ADGB: variants seen among roughly 807,000 people sequenced by gnomAD.
The protein encoded by ADGB is calpain-7-like protein.
A neutral mutation model predicts 210.5 loss-of-function variants in ADGB; 172 were observed. The observed-to-expected ratio is 0.82, with a 90% CI of 0.72 to 0.93. ADGB has a LOEUF of 0.93. ADGB is among the 40% of genes least tolerant of loss of function. The pLI, the probability that ADGB is intolerant of heterozygous loss-of-function variation, is 0.00. For synonymous variants in ADGB, 658 were observed against 662.7 expected, an observed-to-expected ratio of 0.99 and a Z score of 0.11; for missense variants, 2,025 against 1,964.8, an observed-to-expected ratio of 1.03 and a Z score of -0.58.
intron 1 of ADGB, among the ~76,000 whole-genome samples, chr6:146,620,068 T>G (rs1780866399): frequency 1.3e-5 from 2 of 152,164 alleles, no homozygotes; most frequent in African/African-American, 4.8e-5. Flanking sequence ...TTGGCAGTAT[T>G]TTTTCTTCAG....
intron 35 of ADGB, chr6:146,803,819 C>G: frequency 2.1e-6 from 1 of 472,528 alleles, no homozygotes; most frequent in South Asian, 3.4e-5. Context: ...GGGCCGAGTC[C>G]CACTCAGGGC....
At chr6:146,782,730 G>A (rs1228973577) in intron 30 of ADGB, among the ~76,000 whole-genome samples, 1 of 152,058 alleles carries the variant, frequency 6.6e-6, no homozygotes. Flanking sequence ...TGGAAGGCTG[G>A]GACTCTATAT....
chr6:146,769,244 A>G (rs1777619618), intron 29 of ADGB, 113 bp downstream of exon 29: 1 of 545,982 alleles, frequency 1.8e-6, no homozygotes, highest in African/African-American at 1.9e-5. Flanking sequence ...ATGTTTTATT[A>G]CACATTATAA....
Position 146,691,273 on chromosome 6 carries a change from T to A in ADGB, c.1469T>A (p.Ile490Lys), listed in dbSNP as rs1776303523. The change falls in exon 11 of 36, where the codon ATA becomes AAA. Residue 490 changes from isoleucine to lysine, a missense_variant. Transcript: ENST00000397944. Reference protein sequence around the residue: ...KLIRQKKETVITDEAQELIVK... With the variant: ...KLIRQKKETVKTDEAQELIVK... ...ATTCGTCAAAAAAAGGAAACTGTTA[T>A]AACAGATGAAGCTCAAGGTATGTAT... 1.9e-6 allele frequency: 3 copies of A among 1,546,174 alleles called. No individual in the cohort carries two copies. The highest frequency in any genetic ancestry group is 2.6e-6 in the Non-Finnish European group (3 of 1,145,824).
intron 29 of ADGB, among the ~76,000 whole-genome samples, chr6:146,781,093 C>T (rs1049097644): frequency 1.4e-5 from 2 of 147,818 alleles, no homozygotes; most frequent in Non-Finnish European, 3.0e-5. Flanking sequence ...TTTGGGAGGC[C>T]GAGGCAGGCG....
At chr6:146,743,074 C>T (rs1180813967) in intron 25 of ADGB, among the ~76,000 whole-genome samples, 1 of 152,098 alleles carries the variant, frequency 6.6e-6, no homozygotes, top group Non-Finnish European at 1.5e-5. Flanking sequence ...CAAATTTGTC[C>T]ACACACCAGT....
At chr6:146,751,317 T>C (rs988923041) in intron 26 of ADGB, among the ~76,000 whole-genome samples, 3 of 152,154 alleles carry the variant, frequency 2.0e-5, no homozygotes, top group Admixed American at 1.3e-4. Context: ...ATCTCATTCC[T>C]TTTTATGGCT....
chr6:146,740,437 T>A, intron 23 of ADGB, 22 bp from the exon 24 acceptor site: 2 of 1,503,250 alleles, frequency 1.3e-6, no homozygotes, highest in South Asian at 1.3e-5. Flanking sequence ...CATTGATACA[T>A]AATTTATTTT....
Position 146,740,478 on chromosome 6 carries a change from T to C in ADGB, c.2908T>C (p.Cys970Arg). ...SLLRLMFKSK[C>R]KSLESYPCYQ... Reference sequence around the variant, plus strand: ...TTCTAGACTAATGTTTAAAAGCAAGTGCAAGTCTTTGGAATCTTATCCATG... The same window carrying C: ...TTCTAGACTAATGTTTAAAAGCAAGCGCAAGTCTTTGGAATCTTATCCATG... Residue 970 changes from cysteine (C) to arginine (R), a missense_variant, in exon 24 of 36, where the codon TGC becomes CGC. Coordinates refer to ENST00000397944, the MANE Select transcript of ADGB (RefSeq NM_024694.4). The C allele has an allele frequency of 1.3e-6, 2 of 1,546,334 alleles. No homozygotes were observed. The highest frequency in any genetic ancestry group is 1.7e-6 in the Non-Finnish European group (2 of 1,143,636).
intron 28 of ADGB, 102 bp downstream of exon 28, chr6:146,764,202 G>A (rs372601748): frequency 1.5e-5 from 15 of 986,224 alleles, no homozygotes; most frequent in Admixed American, 1.5e-4. Context: ...GTGCAGTGCT[G>A]CCAATGTATA....
chr6:146,672,966 G>A (rs962854207), intron 8 of ADGB, among the ~76,000 whole-genome samples: 1 of 151,882 alleles, frequency 6.6e-6, no homozygotes, highest in African/African-American at 2.4e-5. Flanking sequence ...CCTGACCTCA[G>A]GTGATCCACC....
Position 146,656,796 on chromosome 6 carries a change from T to C in ADGB, c.428T>C (p.Ile143Thr). ...SELMRWIISE[I>T]YAVWKIFNGG... ...CTGATGAGATGGATTATCAGTGAAA[T>C]CTATGCAGTGTGGAAGATCTTCAAT... Residue 143 changes from isoleucine to threonine, a missense_variant, in exon 5 of 36, where the codon ATC (isoleucine) becomes ACC (threonine). By Grantham distance (89) the Ile-to-Thr change is moderately conservative. Coordinates refer to ENST00000397944, the MANE Select transcript of ADGB (RefSeq NM_024694.4). 1 of 1,547,288 alleles carries C rather than the reference T, an allele frequency of 6.5e-7. No homozygotes were observed. The highest frequency in any genetic ancestry group is 2.4e-5 in the East Asian group (1 of 40,864).
intron 27 of ADGB, 151 bp from the exon 28 acceptor site, chr6:146,763,750 C>A (rs1777533339): frequency 2.9e-6 from 2 of 693,688 alleles, no homozygotes; most frequent in South Asian, 4.2e-5. Flanking sequence ...TCCTTAAGAA[C>A]AATAAACCAA....
At chr6:146,708,038 C>T (rs113949800) in intron 13 of ADGB, among the ~76,000 whole-genome samples, 4,273 of 152,088 alleles carry the variant, frequency 0.028, 98 homozygotes, top group South Asian at 0.06. Flanking sequence ...ATGGCTGTAA[C>T]GGCATATTCT....
chr6:146,627,386 G>A lies in ADGB; in HGVS notation c.75-7989G>A, dbSNP rs903975708. ...TTACTGGATGCTGGATATTTTTGTA[G>A]CCCTATAAATATTCTTGAGTTTTGT... On this transcript the variant is annotated intron_variant, in intron 1 of 35. Coordinates refer to ENST00000397944, the MANE Select transcript of ADGB (RefSeq NM_024694.4). Among the ~76,000 whole-genome samples the A allele has an allele frequency of 3.3e-5, 5 of 151,958 alleles. No homozygotes were observed. The East Asian group carries it at 9.6e-4, about 29-fold the overall frequency.
chr6:146,657,854 CAAAT>C (rs574498762), intron 5 of ADGB, among the ~76,000 whole-genome samples: 18 of 152,102 alleles, frequency 1.2e-4, no homozygotes, highest in Non-Finnish European at 2.1e-4. Context: ...AAAAGGAAAG[CAAAT>C]AGAATAGTAG....
At chr6:146,780,511 C>T (rs957233839) in intron 29 of ADGB, among the ~76,000 whole-genome samples, 1 of 151,622 alleles carries the variant, frequency 6.6e-6, no homozygotes, top group African/African-American at 2.4e-5. Flanking sequence ...AAAACAATAC[C>T]ATAAAAAGAA....
At chr6:146,759,303 A>G (rs1374168027) in intron 27 of ADGB, among the ~76,000 whole-genome samples, 21 of 151,838 alleles carry the variant, frequency 1.4e-4, no homozygotes, top group Non-Finnish European at 2.9e-5. Context: ...GTATCATATC[A>G]TAGGAATTTA....
chr6:146,672,462 C>G lies in ADGB; in HGVS notation c.1082C>G (p.Pro361Arg). The G allele has an allele frequency of 6.5e-7, 1 of 1,540,300 alleles. No individual in the cohort carries two copies. Among genetic ancestry groups the G allele is most frequent in the Non-Finnish European group, 8.7e-7 (1 of 1,143,410 alleles). The change falls in exon 8 of 36, where the codon CCA becomes CGA. Residue 361 changes from proline (P) to arginine (R), a missense_variant. Physicochemically the swap from Pro to Arg is moderately radical, Grantham distance 103. Transcript: ENST00000397944. ...LKAPEKSDKV[P>R]KEKADARDIG... ...GCTCCTGAGAAAAGCGACAAAGTTC[C>G]AAAGGGTAAGATATTTTACATCAAA...
Sources: gnomAD v4.1 joint callset for allele counts (sites outside exome capture counted in the v4.1 genomes callset) on GRCh38, gnomAD v4.1.1 for gene constraint, MANE v1.5 for transcripts, NCBI Gene and HGNC (gene_info 2026-07-23, HGNC 2026-07-21) for gene names.